Variants in CFAP61 observed in about 807,000 individuals in gnomAD.
CFAP61 encodes cilia and flagella associated protein 61, also known as cilia- and flagella-associated protein 61.
CFAP61 carries 107 observed loss-of-function variants against 135.6 expected under a neutral mutation model. The ratio of observed to expected loss-of-function variants is 0.79; its 90% CI spans 0.67 to 0.93. CFAP61 has a LOEUF of 0.93. CFAP61 is among the 40% of genes least tolerant of loss of function. The pLI, the probability that CFAP61 is intolerant of heterozygous loss-of-function variation, is 0.00. For synonymous variants in CFAP61, 575 were observed against 578.5 expected, an observed-to-expected ratio of 0.99 and a Z score of 0.09; for missense variants, 1,507 against 1,556.2, an observed-to-expected ratio of 0.97 and a Z score of 0.53.
intron 23 of CFAP61, among the ~76,000 whole-genome samples, chr20:20,289,466 G>T (rs2054847178): frequency 6.6e-6 from 1 of 152,196 alleles, no homozygotes; most frequent in African/African-American, 2.4e-5. Flanking sequence ...CACGTTTAGG[G>T]TATGAGAAAT....
intron 21 of CFAP61, among the ~76,000 whole-genome samples, chr20:20,274,615 C>T (rs143113294): frequency 0.044 from 6,744 of 152,028 alleles, 234 homozygotes; most frequent in Middle Eastern, 0.085. Context: ...GAGCTGAGAT[C>T]GCGCCACTGC....
At chr20:20,231,070 C>G (rs1601526420) in intron 18 of CFAP61, among the ~76,000 whole-genome samples, 2 of 152,188 alleles carry the variant, frequency 1.3e-5, no homozygotes, top group African/African-American at 2.4e-5. Context: ...ACACCAAAAG[C>G]AGTTTGTGTA....
intron 8 of CFAP61, among the ~76,000 whole-genome samples, chr20:20,099,450 C>T (rs992813242): frequency 2.6e-5 from 4 of 152,042 alleles, no homozygotes; most frequent in East Asian, 1.9e-4. Context: ...GGTATCTTTG[C>T]GGTTACATAT....
chr20:20,309,990 CTTTGTT>C (rs936819824), intron 25 of CFAP61, among the ~76,000 whole-genome samples: 2 of 152,000 alleles, frequency 1.3e-5, no homozygotes, highest in Non-Finnish European at 2.9e-5. Context: ...TATTAATTAA[CTTTGTT>C]TTTGTTTTTG....
chr20:20,201,837 C>T (rs1673757035), intron 17 of CFAP61, among the ~76,000 whole-genome samples: 1 of 152,210 alleles, frequency 6.6e-6, no homozygotes, highest in South Asian at 2.1e-4. Context: ...TGGCAGCCCA[C>T]GGCTCCTGCA....
At chr20:20,170,329 C>T (rs2054134196) in intron 13 of CFAP61, among the ~76,000 whole-genome samples, 1 of 151,842 alleles carries the variant, frequency 6.6e-6, no homozygotes, top group African/African-American at 2.4e-5. Context: ...TGTAACTGAC[C>T]AACAGAAGGA....
chr20:20,134,429 A>C lies in CFAP61; in HGVS notation c.860-8428A>C, dbSNP rs565419318. Among the ~76,000 whole-genome samples the C allele has an allele frequency of 6.1e-4, 93 of 152,326 alleles. 1 individual carries two copies. Among genetic ancestry groups the C allele is most frequent in the African/African-American group, 2.2e-3 (90 of 41,582 alleles). ...ACAGGAGAACTGAGGCCAGGCAATC[A>C]AGACCTTGCATGCCTTGCAAGAGAG... is the stretch of plus-strand genomic sequence containing the variant. On this transcript the variant is annotated intron_variant, in intron 8 of 26. Transcript: ENST00000245957.
At chr20:20,222,157 A>G (rs954493992) in intron 17 of CFAP61, 8 of 152,368 alleles carry the variant, frequency 5.3e-5, no homozygotes, top group African/African-American at 1.9e-4. Flanking sequence ...CTTAGCTTCC[A>G]AATCATTTTT....
At chr20:20,076,017 A>G (rs935121409) in intron 6 of CFAP61, among the ~76,000 whole-genome samples, 1 of 152,160 alleles carries the variant, frequency 6.6e-6, no homozygotes, top group African/African-American at 2.4e-5. Context: ...GGGGTTTTCC[A>G]AATTGAAGGT....
At chr20:20,230,738 TA>T (rs558935470) in intron 18 of CFAP61, among the ~76,000 whole-genome samples, 8 of 152,254 alleles carry the variant, frequency 5.3e-5, no homozygotes, top group African/African-American at 1.9e-4. Flanking sequence ...GTATTTTCAG[TA>T]GAGATTGGGT....
intron 18 of CFAP61, among the ~76,000 whole-genome samples, chr20:20,234,901 G>T (rs2049460613): frequency 6.6e-6 from 1 of 152,190 alleles, no homozygotes. Context: ...TCACACACCA[G>T]CCTGAGCATA....
intron 26 of CFAP61, among the ~76,000 whole-genome samples, chr20:20,354,848 AGG>A (rs2122459297): frequency 8.1e-6 from 1 of 123,978 alleles, no homozygotes; most frequent in South Asian, 3.5e-4. Flanking sequence ...TCACACTGTG[AGG>A]GGATGTGGTC....
intron 8 of CFAP61, among the ~76,000 whole-genome samples, chr20:20,123,871 A>T (rs2049857517): frequency 6.8e-6 from 1 of 147,444 alleles, no homozygotes; most frequent in South Asian, 2.2e-4. Context: ...TGAGCATGGG[A>T]TGTGTTTCCA....
At chr20:20,296,719 A>C (rs1469331741) in intron 24 of CFAP61, among the ~76,000 whole-genome samples, 2 of 152,212 alleles carry the variant, frequency 1.3e-5, no homozygotes. Context: ...GACCGTTAAC[A>C]TTTTGTGAAA....
intron 3 of CFAP61, among the ~76,000 whole-genome samples, chr20:20,072,578 G>A (rs1488838239): frequency 6.6e-6 from 1 of 152,026 alleles, no homozygotes; most frequent in East Asian, 1.9e-4. Flanking sequence ...TTGCATTAGG[G>A]TTATGATTTT....
At chr20:20,069,925 T>C (rs1351687187) in intron 2 of CFAP61, 7 of 279,720 alleles carry the variant, frequency 2.5e-5, no homozygotes, top group Non-Finnish European at 5.1e-5. Context: ...TCTTTGTGTT[T>C]TGAGTGAATG....
At chr20:20,273,918 T>A (rs1011419640) in intron 21 of CFAP61, among the ~76,000 whole-genome samples, 6 of 152,238 alleles carry the variant, frequency 3.9e-5, no homozygotes, top group African/African-American at 1.2e-4. Flanking sequence ...AAGCACTGGT[T>A]CCAGCTCATC....
At chr20:20,307,259 T>C (rs2056530619) in intron 25 of CFAP61, among the ~76,000 whole-genome samples, 1 of 152,234 alleles carries the variant, frequency 6.6e-6, no homozygotes, top group African/African-American at 2.4e-5. Context: ...TCCTGCGTTC[T>C]TGCTTATCAG....
intron 2 of CFAP61, among the ~76,000 whole-genome samples, chr20:20,058,374 T>C (rs2044538748): frequency 6.6e-6 from 1 of 152,038 alleles, no homozygotes; most frequent in Non-Finnish European, 1.5e-5. Context: ...CATTATCAAA[T>C]TGAAATCAGA....
Sources: gnomAD v4.1 joint callset for allele counts (sites outside exome capture counted in the v4.1 genomes callset) on GRCh38, gnomAD v4.1.1 for gene constraint, MANE v1.5 for transcripts, NCBI Gene and HGNC (gene_info 2026-07-23, HGNC 2026-07-21) for gene names.